The following DLGAP1 variants were observed in gnomAD, a reference collection of about 807,000 sequenced individuals.
DLGAP1 encodes disks large-associated protein 1.
A neutral mutation model predicts 90.8 loss-of-function variants in DLGAP1; 11 were observed. The observed-to-expected ratio is 0.12, with a 90% CI of 0.08 to 0.20. DLGAP1 has a LOEUF of 0.20. Among genes scored for constraint, DLGAP1 ranks in the 10% least tolerant of loss-of-function variants. The pLI is 1.00. For missense variants in DLGAP1, 1,050 were observed against 1,333.8 expected, an observed-to-expected ratio of 0.79 and a Z score of 3.31; for synonymous variants, 558 against 540.7, an observed-to-expected ratio of 1.03 and a Z score of -0.44.
At chr18:4,403,386 T>A (rs1258680524) in intron 1 of DLGAP1, among the ~76,000 whole-genome samples, 1 of 152,234 alleles carries the variant, frequency 6.6e-6, no homozygotes, top group Non-Finnish European at 1.5e-5. Flanking sequence ...TCTACTTATT[T>A]AATTTTCATT....
intron 2 of DLGAP1, among the ~76,000 whole-genome samples, chr18:4,080,890 CTTTTTT>C (rs71160939): frequency 2.7e-5 from 4 of 145,592 alleles, no homozygotes; most frequent in African/African-American, 1.0e-4. Context: ...TTTGAATGCC[CTTTTTT>C]TTTTTTTTTG....
At chr18:4,236,961 T>C (rs1394500073) in intron 1 of DLGAP1, among the ~76,000 whole-genome samples, 3 of 152,152 alleles carry the variant, frequency 2.0e-5, no homozygotes, top group Non-Finnish European at 4.4e-5. Context: ...GAAAACTAAA[T>C]AAATGAGTCA....
intron 1 of DLGAP1, among the ~76,000 whole-genome samples, chr18:4,291,150 T>A (rs1001594411): frequency 6.6e-6 from 1 of 152,244 alleles, no homozygotes; most frequent in Non-Finnish European, 1.5e-5. Context: ...TGATGGTATT[T>A]ATGATGACAT....
intron 2 of DLGAP1, among the ~76,000 whole-genome samples, chr18:4,085,528 A>G (rs2075670044): frequency 6.6e-6 from 1 of 152,226 alleles, no homozygotes; most frequent in Admixed American, 6.5e-5. Context: ...GAGTTGTCAC[A>G]CAGTATTTTT....
chr18:3,608,865 T>A (rs1269857383), intron 7 of DLGAP1, among the ~76,000 whole-genome samples: 6 of 152,104 alleles, frequency 3.9e-5, no homozygotes, highest in African/African-American at 1.4e-4. Flanking sequence ...TGAGACAGAG[T>A]CTTGCTCTGT....
intron 1 of DLGAP1, among the ~76,000 whole-genome samples, chr18:4,451,491 T>A (rs1325433757): frequency 7.2e-5 from 11 of 152,162 alleles, no homozygotes; most frequent in Non-Finnish European, 1.6e-4. Flanking sequence ...AAAATGAATG[T>A]CAGAAGACTA....
intron 8 of DLGAP1, chr18:3,580,679 G>A: frequency 1.2e-6 from 2 of 1,611,778 alleles, no homozygotes; most frequent in South Asian, 2.2e-5. Context: ...GGCCCCTGAG[G>A]ACGACGGTGG....
At chr18:4,416,944 G>A (rs1197142225) in intron 1 of DLGAP1, among the ~76,000 whole-genome samples, 1 of 152,096 alleles carries the variant, frequency 6.6e-6, no homozygotes, top group Admixed American at 6.6e-5. Flanking sequence ...TGTCACTCTG[G>A]GGCTTGATAT....
At chr18:4,036,587 T>A (rs1450943347) in intron 2 of DLGAP1, among the ~76,000 whole-genome samples, 1 of 152,226 alleles carries the variant, frequency 6.6e-6, no homozygotes, top group Non-Finnish European at 1.5e-5. Context: ...ATTACTTGCA[T>A]CACTGAACAT....
At chr18:3,978,068 C>A in intron 3 of DLGAP1, 1 of 384,620 alleles carries the variant, frequency 2.6e-6, no homozygotes, top group South Asian at 2.1e-5. Context: ...AGGGGCCATC[C>A]ACAGTTTTCT....
chr18:4,045,121 T>C (rs577722959), intron 2 of DLGAP1, among the ~76,000 whole-genome samples: 4 of 152,130 alleles, frequency 2.6e-5, no homozygotes, highest in African/African-American at 9.6e-5. Flanking sequence ...CGGTCTGTTC[T>C]AATGGGCAAC....
At chr18:4,400,147 T>A (rs568325712) in intron 1 of DLGAP1, among the ~76,000 whole-genome samples, 1 of 152,032 alleles carries the variant, frequency 6.6e-6, no homozygotes, top group South Asian at 2.1e-4. Context: ...ACCCGGGACA[T>A]CCACCTGCAG....
chr18:3,547,993 C>T (rs978033555), intron 9 of DLGAP1, among the ~76,000 whole-genome samples: 1 of 152,092 alleles, frequency 6.6e-6, no homozygotes, highest in Non-Finnish European at 1.5e-5. Context: ...AGGCTACACA[C>T]AAAAGGCCAC....
At chr18:3,732,011 C>G (rs2147497757) in intron 6 of DLGAP1, among the ~76,000 whole-genome samples, 1 of 152,264 alleles carries the variant, frequency 6.6e-6, no homozygotes, top group South Asian at 2.1e-4. Flanking sequence ...GCGTGCATCC[C>G]TGGGCTCTAG....
At chr18:4,416,971 G>T (rs2082914610) in intron 1 of DLGAP1, among the ~76,000 whole-genome samples, 1 of 152,194 alleles carries the variant, frequency 6.6e-6, no homozygotes, top group African/African-American at 2.4e-5. Context: ...TCAGTAGTGT[G>T]AGGGTCAGAA....
intron 3 of DLGAP1, among the ~76,000 whole-genome samples, chr18:3,991,135 T>A (rs527593570): frequency 1.2e-4 from 18 of 152,152 alleles, no homozygotes; most frequent in Middle Eastern, 3.4e-3. Context: ...CAAATTTTTT[T>A]AAAATTTGTT....
intron 1 of DLGAP1, chr18:4,264,573 T>G (rs1182770671): frequency 6.6e-6 from 1 of 152,428 alleles, no homozygotes; most frequent in Non-Finnish European, 1.5e-5. Flanking sequence ...CCAGGCAGTC[T>G]GCCACCTGGC....
chr18:3,971,408 C>A (rs2073445615), intron 3 of DLGAP1, among the ~76,000 whole-genome samples: 1 of 152,158 alleles, frequency 6.6e-6, no homozygotes, highest in South Asian at 2.1e-4. Context: ...CAGGGAAATA[C>A]ATACATAAGA....
At chr18:4,371,940 ATC>A (rs1333882006) in intron 1 of DLGAP1, among the ~76,000 whole-genome samples, 1 of 152,252 alleles carries the variant, frequency 6.6e-6, no homozygotes, top group Non-Finnish European at 1.5e-5. Flanking sequence ...AAAGTAATGT[ATC>A]TCTCTGAACA....
Sources: allele counts gnomAD v4.1 joint callset (sites outside exome capture counted in the v4.1 genomes callset), GRCh38; gene constraint gnomAD v4.1.1; transcripts MANE v1.5; gene names NCBI Gene and HGNC (gene_info 2026-07-23, HGNC 2026-07-21).